TMEM45B: variants seen among roughly 807,000 people sequenced by gnomAD.
The protein encoded by TMEM45B is transmembrane protein 45B.
In TMEM45B, 29 loss-of-function variants were observed where a neutral mutation model predicts 27.3. The observed-to-expected ratio is 1.06, with a 90% CI of 0.79 to 1.45. The LOEUF is 1.45. Among genes scored for constraint, TMEM45B ranks in the 40% most tolerant of loss-of-function variants. The pLI, the probability that TMEM45B is intolerant of heterozygous loss-of-function variation, is 0.00. For synonymous variants in TMEM45B, 143 were observed against 134.7 expected (o/e 1.06, Z -0.43); for missense variants, 348 against 343.9 (o/e 1.01, Z -0.09).
At position 129,836,981 on chromosome 11, in the gene TMEM45B, G is replaced by A. The variant is rs561311865; in HGVS notation, c.-8-15494G>A. Among the ~76,000 whole-genome samples, 253 of 152,176 alleles carry A rather than the reference G, an allele frequency of 1.7e-3. 1 individual carries two copies. Among genetic ancestry groups the A allele is most frequent in the African/African-American group, 5.6e-3 (233 of 41,508 alleles). On this transcript the variant is annotated intron_variant, in intron 1 of 5. Transcript: ENST00000281441. ...GGCAAACCTGTAGAAATATAAAATC[G>A]ACTGGTGGCTGCCTGCTGGACACCC...
At chr11:129,832,715 A>T (rs1947565172) in intron 1 of TMEM45B, among the ~76,000 whole-genome samples, 1 of 152,176 alleles carries the variant, frequency 6.6e-6, no homozygotes, top group African/African-American at 2.4e-5. Context: ...AAAAGGGTAA[A>T]TTTTACGGTA....
chr11:129,848,479 G>C (rs1400952433), intron 1 of TMEM45B, among the ~76,000 whole-genome samples: 1 of 152,118 alleles, frequency 6.6e-6, no homozygotes, highest in Non-Finnish European at 1.5e-5. Context: ...TCCAGCTTCG[G>C]CTCGGCATGA....
At chr11:129,846,252 G>A in intron 1 of TMEM45B, among the ~76,000 whole-genome samples, 1 of 152,314 alleles carries the variant, frequency 6.6e-6, no homozygotes, top group African/African-American at 2.4e-5. Context: ...TGGATCACCT[G>A]AGGTCAAGAA....
intron 1 of TMEM45B, among the ~76,000 whole-genome samples, chr11:129,826,278 G>T (rs541977835): frequency 6.6e-5 from 10 of 151,934 alleles, no homozygotes; most frequent in Non-Finnish European, 8.8e-5. Context: ...GGCCGGGCGC[G>T]GTGGCTCACG....
intron 1 of TMEM45B, among the ~76,000 whole-genome samples, chr11:129,836,917 A>G (rs1947626837): frequency 6.6e-6 from 1 of 152,198 alleles, no homozygotes; most frequent in Non-Finnish European, 1.5e-5. Context: ...GCCAGTCACA[A>G]AAGGCCACAT....
At chr11:129,825,671 G>T (rs543152419) in intron 1 of TMEM45B, among the ~76,000 whole-genome samples, 5 of 152,270 alleles carry the variant, frequency 3.3e-5, no homozygotes, top group African/African-American at 1.2e-4. Flanking sequence ...AAAGTGGAAG[G>T]CCCAGCCTCT....
chr11:129,857,920 A>G (rs892913450), intron 5 of TMEM45B, among the ~76,000 whole-genome samples: 3 of 152,182 alleles, frequency 2.0e-5, no homozygotes, highest in Non-Finnish European at 4.4e-5. Context: ...AGGTATACAG[A>G]TAACAGCTAT....
chr11:129,855,124 C>A (rs1452963746), intron 3 of TMEM45B, among the ~76,000 whole-genome samples: 2 of 152,216 alleles, frequency 1.3e-5, no homozygotes, highest in African/African-American at 4.8e-5. Flanking sequence ...CGTGCATATT[C>A]CTCGGTGTGG....
At chr11:129,852,850 A>T in intron 2 of TMEM45B, 190 bp downstream of exon 2, 1 of 490,708 alleles carries the variant, frequency 2.0e-6, no homozygotes, top group Non-Finnish European at 3.4e-6. Context: ...AACGGTTGAC[A>T]GCTCTCACAT....
chr11:129,816,995 C>T (rs1439376882), intron 1 of TMEM45B, among the ~76,000 whole-genome samples: 1 of 151,838 alleles, frequency 6.6e-6, no homozygotes, highest in Non-Finnish European at 1.5e-5. Flanking sequence ...ATCCACCCGC[C>T]TCAGCCTCCC....
In TMEM45B at chr11:129,839,725, G is replaced by A. The variant is rs978279036; in HGVS notation, c.-8-12750G>A. 3.9e-5 allele frequency among the ~76,000 whole-genome samples: 6 copies of A among 152,072 alleles called. No homozygotes were observed. In the East Asian group the frequency reaches 9.7e-4, roughly 25 times the overall value. On this transcript the variant is annotated intron_variant, in intron 1 of 5. Coordinates refer to ENST00000281441, the MANE Select transcript of TMEM45B (RefSeq NM_138788.5). ...CAGGTAATTTATTTTTAGTAGAGAC[G>A]GGTCTCACTCTGTTGCCCAGGCTGA... is the stretch of plus-strand genomic sequence containing the variant.
chr11:129,840,962 A>G (rs1250228072), intron 1 of TMEM45B, among the ~76,000 whole-genome samples: 3 of 149,952 alleles, frequency 2.0e-5, no homozygotes, highest in Non-Finnish European at 4.4e-5. Flanking sequence ...AAAAAAAAAA[A>G]AAAAAAAAGC....
At chr11:129,854,154 A>T (rs193211599) in intron 2 of TMEM45B, among the ~76,000 whole-genome samples, 20 of 152,316 alleles carry the variant, frequency 1.3e-4, no homozygotes, top group Admixed American at 5.2e-4. Context: ...TGGCACGTAC[A>T]GGTATCTTCA....
At position 129,831,878 on chromosome 11, in the gene TMEM45B, C is replaced by G. The variant is rs191568300; in HGVS notation, c.-9+15980C>G. ...GTCACCAGTTCAAGATCAGCCTGGC[C>G]AATATGGTGAAACCCCATCTCTATT... On this transcript the variant is annotated intron_variant, in intron 1 of 5. Transcript: ENST00000281441. Among the ~76,000 whole-genome samples the G allele has an allele frequency of 4.6e-3, 690 of 150,560 alleles. 4 individuals are homozygous for G. Among genetic ancestry groups the G allele is most frequent in the African/African-American group, 0.016 (665 of 40,866 alleles).
At chr11:129,850,934 C>T (rs537891509) in intron 1 of TMEM45B, among the ~76,000 whole-genome samples, 1 of 152,212 alleles carries the variant, frequency 6.6e-6, no homozygotes, top group Non-Finnish European at 1.5e-5. Context: ...CACATTTTTA[C>T]ATATTTGTTA....
At chr11:129,849,526 G>A (rs964982218) in intron 1 of TMEM45B, among the ~76,000 whole-genome samples, 7 of 152,310 alleles carry the variant, frequency 4.6e-5, no homozygotes, top group African/African-American at 9.6e-5. Flanking sequence ...GCTCCACCCC[G>A]GTGACAAATC....
chr11:129,842,187 C>T lies in TMEM45B; in HGVS notation c.-8-10288C>T, dbSNP rs1030651746. Among the ~76,000 whole-genome samples, 31 of 152,238 alleles carry T rather than the reference C, an allele frequency of 2.0e-4. No homozygotes were observed. In the South Asian group the frequency reaches 3.9e-3, roughly 19 times the overall value. ...CTTCAGACACACATGGGATGATGCTCAATGTCCCCACATACGTGTAATGGA... is the reference window on the plus strand; with the variant it reads ...CTTCAGACACACATGGGATGATGCTTAATGTCCCCACATACGTGTAATGGA... On this transcript the variant is annotated intron_variant, in intron 1 of 5. Transcript: ENST00000281441.
rs868776786 is a variant in TMEM45B at position 129,856,716 on chromosome 11, C to T, written c.571-597C>T. On this transcript the variant is annotated intron_variant, in intron 4 of 5. Transcript: ENST00000281441. ...CTGGGACTACAGGCGCCCGCCACCA[C>T]GCCTGGCTAATTTTTTGTATTTTTA... 4.6e-5 allele frequency among the ~76,000 whole-genome samples: 7 copies of T among 151,398 alleles called. No homozygotes were observed. In the Middle Eastern group the frequency reaches 0.017, roughly 368 times the overall value.
intron 1 of TMEM45B, among the ~76,000 whole-genome samples, chr11:129,833,230 A>T (rs1947573786): frequency 6.7e-6 from 1 of 148,966 alleles, no homozygotes; most frequent in Non-Finnish European, 1.5e-5. Flanking sequence ...ACAGAGGGAG[A>T]CTCTGTCTCA....
Sources: gnomAD v4.1 joint callset for allele counts (sites outside exome capture counted in the v4.1 genomes callset) on GRCh38, gnomAD v4.1.1 for gene constraint, MANE v1.5 for transcripts, NCBI Gene and HGNC (gene_info 2026-07-23, HGNC 2026-07-21) for gene names.